DLST: variants seen among roughly 807,000 people sequenced by gnomAD.
DLST encodes dihydrolipoyllysine-residue succinyltransferase component of 2-oxoglutarate dehydrogenase complex, mitochondrial.
A neutral mutation model predicts 53.1 loss-of-function variants in DLST; 17 were observed. That is an observed-to-expected ratio of 0.32 (90% confidence interval 0.22 to 0.48). DLST has a LOEUF of 0.48. Ranked by LOEUF, DLST falls within the 20% of genes least tolerant of loss-of-function variation. DLST has a pLI of 0.99. For synonymous variants in DLST, 206 were observed against 204.8 expected, an observed-to-expected ratio of 1.01 and a Z score of -0.05; for missense variants, 512 against 583.9, an observed-to-expected ratio of 0.88 and a Z score of 1.27.
chr14:74,896,850 C>T (rs1012768983), intron 10 of DLST, among the ~76,000 whole-genome samples: 4 of 152,198 alleles, frequency 2.6e-5, no homozygotes, highest in East Asian at 1.9e-4. Context: ...GGAAAGGAAG[C>T]GTAATAGCTG....
chr14:74,891,303 A>C lies in DLST; in HGVS notation c.442+136A>C, dbSNP rs1883899117. 5 of 1,467,392 alleles carry C rather than the reference A, an allele frequency of 3.4e-6. 1 individual carries two copies. The African/African-American group carries it at 7.1e-5, about 21-fold the overall frequency. 90.9% of individuals were successfully genotyped at this position (1,467,392 alleles called of 1,614,324 possible). A position where few individuals can be genotyped will look rare whatever the true frequency, so the allele number is the denominator to read the frequency against. ...CCCTTAGTTGAGGGAATAAGGGGTA[A>C]ATTTATATATAGTGTGAACTTCAAA... On this transcript the variant is annotated intron_variant, in intron 7 of 14. Coordinates refer to ENST00000334220, the MANE Select transcript of DLST (RefSeq NM_001933.5).
chr14:74,895,742 A>G (rs912885998), intron 10 of DLST, among the ~76,000 whole-genome samples: 79 of 152,298 alleles, frequency 5.2e-4, no homozygotes, highest in African/African-American at 1.8e-3. Context: ...TCTACTAAAA[A>G]TACAAAAATT....
chr14:74,891,443 A>T (rs916754281), intron 7 of DLST: 7 of 1,091,790 alleles, frequency 6.4e-6, no homozygotes, highest in African/African-American at 1.6e-5. Flanking sequence ...ATAGATATAC[A>T]GATTGAGCAT....
At chr14:74,887,420 T>G (rs191048657) in intron 3 of DLST, among the ~76,000 whole-genome samples, 43 of 152,286 alleles carry the variant, frequency 2.8e-4, no homozygotes, top group Non-Finnish European at 1.5e-4. Flanking sequence ...TGAAAGTAAA[T>G]AATGAAGAAA....
chr14:74,882,158 G>A lies in DLST; in HGVS notation c.63+142G>A, dbSNP rs1235374950. ...ACGCGGAGGCCGCGCGGGCTGGGCG[G>A]CCCGGGGCCGTGGTTGCCCTCGGGA... is the stretch of plus-strand genomic sequence containing the variant. On this transcript the variant is annotated intron_variant, in intron 1 of 14. Transcript: ENST00000334220. 5.7e-6 allele frequency: 4 copies of A among 707,214 alleles called. No homozygotes were observed. In the East Asian group the frequency reaches 1.1e-4, roughly 20 times the overall value. 43.8% of individuals were successfully genotyped at this position (707,214 alleles called of 1,614,324 possible).
At chr14:74,888,513 A>G (rs1443792416) in intron 3 of DLST, among the ~76,000 whole-genome samples, 1 of 151,652 alleles carries the variant, frequency 6.6e-6, no homozygotes, top group African/African-American at 2.4e-5. Flanking sequence ...GATCTTTGAG[A>G]CCCGTCTGGG....
intron 3 of DLST, 181 bp downstream of exon 3, chr14:74,885,815 A>ACATG: frequency 3.4e-6 from 2 of 581,590 alleles, no homozygotes; most frequent in Non-Finnish European, 6.0e-6. Flanking sequence ...CTTGAGCATC[A>ACATG]GCTCCGTGTC....
In DLST at chr14:74,899,882, T is replaced by C. The variant is rs368140401; in HGVS notation, c.902-41T>C. On this transcript the variant is annotated intron_variant, in intron 11 of 14. Transcript: ENST00000334220. ...CATATTACCTCATTAGTCTTGGCCTTCCTGGGGAGTTGTATGTAACATGTA... is the reference window on the plus strand; with the variant it reads ...CATATTACCTCATTAGTCTTGGCCTCCCTGGGGAGTTGTATGTAACATGTA... The C allele has an allele frequency of 4.6e-6, 7 of 1,524,062 alleles. No homozygotes were observed. In the African/African-American group the frequency reaches 9.6e-5, roughly 21 times the overall value. The allele number at this position is 1,524,062 out of a possible 1,614,324, so 94.4% of individuals were successfully genotyped here. A position where few individuals can be genotyped will look rare whatever the true frequency, so the allele number is the denominator to read the frequency against.
rs771688668 is a variant in DLST at position 74,893,442 on chromosome 14, A to G, written c.672+18A>G. The G allele has an allele frequency of 1.1e-5, 18 of 1,614,114 alleles. No individual in the cohort carries two copies. The highest frequency in any genetic ancestry group is 1.4e-5 in the Non-Finnish European group (17 of 1,179,952). ...AACATCGGGTAAGCCTCTGAGGACC[A>G]CTTTCAGGAAAGAGGCAGGGGGCAG... On this transcript the variant is annotated intron_variant, in intron 9 of 14. Transcript: ENST00000334220.
At chr14:74,900,760 T>A (rs1367340363) in intron 13 of DLST, among the ~76,000 whole-genome samples, 1 of 152,238 alleles carries the variant, frequency 6.6e-6, no homozygotes, top group African/African-American at 2.4e-5. Flanking sequence ...GGTCTCGCTG[T>A]GTTGCCCAGG....
At chr14:74,893,082 GC>G (rs1594877457) in intron 8 of DLST, 96 bp downstream of exon 8, 1 of 1,415,936 alleles carries the variant, frequency 7.1e-7, no homozygotes, top group East Asian at 2.4e-5. Flanking sequence ...TTCTGAACAG[GC>G]CAGGTTGGCT....
At chr14:74,887,712 T>TGGA (rs1883756294) in intron 3 of DLST, among the ~76,000 whole-genome samples, 1 of 152,230 alleles carries the variant, frequency 6.6e-6, no homozygotes, top group African/African-American at 2.4e-5. Context: ...CTGGATGACT[T>TGGA]GCAGAGCAGC....
chr14:74,888,278 T>G (rs930184392), intron 3 of DLST, among the ~76,000 whole-genome samples: 1 of 151,070 alleles, frequency 6.6e-6, no homozygotes, highest in Admixed American at 6.6e-5. Flanking sequence ...TTTTGGGTTT[T>G]TTTTTTTTTT....
rs11623527 is a variant in DLST, at chr14:74,898,381, G to A, written c.783G>A (p.Glu261=). 5.6e-3 allele frequency: 9,031 copies of A among 1,612,066 alleles called. 28 individuals are homozygous for A. The highest frequency in any genetic ancestry group is 6.5e-3 in the Non-Finnish European group (7,655 of 1,179,822). ...FNEIDMSNIQ[E]MRARHKEAFL... ...AATATTTTCACAGTAACATCCAGGAGATGAGGGCTCGGCACAAAGAGGCTT... is the reference window on the plus strand; with the variant it reads ...AATATTTTCACAGTAACATCCAGGAAATGAGGGCTCGGCACAAAGAGGCTT... The change falls in exon 11 of 15, where the codon GAG becomes GAA. Residue 261 remains glutamate, a synonymous_variant. Transcript: ENST00000334220.
At chr14:74,895,789 A>G (rs1433028775) in intron 10 of DLST, among the ~76,000 whole-genome samples, 1 of 151,960 alleles carries the variant, frequency 6.6e-6, no homozygotes, top group Non-Finnish European at 1.5e-5. Context: ...AATCCCAGCT[A>G]CTCGGAAGGC....
At chr14:74,885,274 C>G (rs984490490) in intron 2 of DLST, among the ~76,000 whole-genome samples, 1 of 152,154 alleles carries the variant, frequency 6.6e-6, no homozygotes, top group African/African-American at 2.4e-5. Flanking sequence ...TGAAAACATA[C>G]AGGAATAATG....
chr14:74,891,821 A>C (rs1331261302), intron 7 of DLST: 3 of 985,340 alleles, frequency 3.0e-6, no homozygotes, highest in African/African-American at 3.5e-5. Flanking sequence ...TTACACTAAT[A>C]AGGCAGATAG....
chr14:74,886,379 T>G (rs1253633702), intron 3 of DLST, among the ~76,000 whole-genome samples: 2 of 152,226 alleles, frequency 1.3e-5, no homozygotes, highest in Non-Finnish European at 2.9e-5. Flanking sequence ...TTGGCTGGAG[T>G]GCGGTAGCCT....
chr14:74,889,821 C>G, intron 5 of DLST, 76 bp from the exon 6 acceptor site: 2 of 1,465,068 alleles, frequency 1.4e-6, no homozygotes, highest in Non-Finnish European at 1.9e-6. Context: ...TATAACATAC[C>G]TGCCAAAATG....
Sources: allele counts gnomAD v4.1 joint callset (sites outside exome capture counted in the v4.1 genomes callset), GRCh38; gene constraint gnomAD v4.1.1; transcripts MANE v1.5; gene names NCBI Gene and HGNC (gene_info 2026-07-23, HGNC 2026-07-21).